Variants in HINT3 observed in about 807,000 individuals in gnomAD.
HINT3 encodes adenosine 5'-monophosphoramidase HINT3.
In HINT3, 16 loss-of-function variants were observed where a neutral mutation model predicts 19.1. That is an observed-to-expected ratio of 0.84 (90% CI 0.57 to 1.27). The LOEUF is 1.27. HINT3 is among the 50% of genes most tolerant of loss of function. The pLI, the probability that HINT3 is intolerant of heterozygous loss-of-function variation, is 0.00. For missense variants in HINT3, 197 were observed against 225.8 expected (o/e 0.87, Z 0.82); for synonymous variants, 75 against 84.8 (o/e 0.88, Z 0.63).
rs767832192 is a variant in HINT3, at chr6:125,974,992, T to C, written c.516+19T>C. 12 of 1,607,922 alleles carry C rather than the reference T, an allele frequency of 7.5e-6. No individual in the cohort carries two copies. Among genetic ancestry groups the C allele is most frequent in the Non-Finnish European group, 1.0e-5 (12 of 1,177,032 alleles). ...TATCACAGTGAGTATTCTTGTTATG[T>C]CAGCAGCATACAAAAATATTTAAAA... On this transcript the variant is annotated intron_variant, in intron 4 of 4. Transcript: ENST00000229633.
At chr6:125,974,702 T>C in intron 3 of HINT3, 145 bp from the exon 4 acceptor site, 1 of 754,716 alleles carries the variant, frequency 1.3e-6, no homozygotes, top group Non-Finnish European at 2.2e-6. Context: ...CTGAAGTGCA[T>C]AAAGAGAAAC....
intron 2 of HINT3, among the ~76,000 whole-genome samples, chr6:125,968,015 T>C (rs200125855): frequency 2.0e-5 from 3 of 152,236 alleles, no homozygotes; most frequent in Non-Finnish European, 4.4e-5. Flanking sequence ...AAGATTTAGA[T>C]AAAACTTTTA....
intron 3 of HINT3, 51 bp downstream of exon 3, chr6:125,972,379 C>A (rs954934088): frequency 9.1e-7 from 1 of 1,098,342 alleles, no homozygotes; most frequent in Non-Finnish European, 1.3e-6. Flanking sequence ...TGACGTTTTT[C>A]AAAATGTCAT....
At chr6:125,962,804 G>A (rs1250217786) in intron 1 of HINT3, among the ~76,000 whole-genome samples, 2 of 152,082 alleles carry the variant, frequency 1.3e-5, no homozygotes, top group African/African-American at 2.4e-5. Flanking sequence ...TCCCAAAGGG[G>A]TGAAAATTGG....
chr6:125,960,532 C>T (rs1378886030), intron 1 of HINT3, among the ~76,000 whole-genome samples: 1 of 152,050 alleles, frequency 6.6e-6, no homozygotes, highest in East Asian at 1.9e-4. Context: ...TGGCAGGCAC[C>T]TGTAATCCCA....
intron 2 of HINT3, among the ~76,000 whole-genome samples, chr6:125,968,910 C>T (rs1395094641): frequency 6.6e-6 from 1 of 152,068 alleles, no homozygotes; most frequent in Non-Finnish European, 1.5e-5. Flanking sequence ...CGGGATATTG[C>T]ACCTTTGTCA....
chr6:125,963,120 C>G (rs1308928844), intron 1 of HINT3, among the ~76,000 whole-genome samples: 2 of 152,096 alleles, frequency 1.3e-5, no homozygotes, highest in African/African-American at 4.8e-5. Context: ...TATGCGTGAT[C>G]AAAAGGGCGT....
intron 4 of HINT3, among the ~76,000 whole-genome samples, chr6:125,976,216 C>T (rs560889218): frequency 5.3e-5 from 8 of 152,044 alleles, no homozygotes; most frequent in Non-Finnish European, 1.2e-4. Context: ...CTGTCTTCAA[C>T]TTGTTGCCCA....
rs1217446516 is a variant in HINT3, at chr6:125,978,788, G to GT, written c.*1116dup. The GT allele has an allele frequency of 1.3e-5, 2 of 152,044 alleles. No homozygotes were observed. Among genetic ancestry groups the GT allele is most frequent in the African/African-American group, 4.8e-5 (2 of 41,376 alleles). 9.4% of individuals were successfully genotyped at this position (152,044 alleles called of 1,614,324 possible). A position where few individuals can be genotyped will look rare whatever the true frequency, so the allele number is the denominator to read the frequency against. On this transcript the variant is annotated 3_prime_UTR_variant, in exon 5 of 5. Coordinates refer to ENST00000229633, the MANE Select transcript of HINT3 (RefSeq NM_138571.5). ...TAGAGGGGGCATGATATTAAAGATA[G>GT]TTTTAAGTAACAAATTACTTATTAC...
At chr6:125,962,233 TACAC>T (rs1260784566) in intron 1 of HINT3, among the ~76,000 whole-genome samples, 821 of 20,498 alleles carry the variant, frequency 0.04, 67 homozygotes, top group African/African-American at 0.085. Flanking sequence ...TATATATATA[TACAC>T]ATATATATAT....
At position 125,979,817 on chromosome 6, in the gene HINT3, T is replaced by C. The variant is rs985144835; in HGVS notation, c.*2141T>C. On this transcript the variant is annotated 3_prime_UTR_variant, in exon 5 of 5. Transcript: ENST00000229633. The stretch of plus-strand genomic sequence containing the variant: ...ATTCTCAGATGCCTTATGGACCTCT[T>C]CAAAAATGTGGTTAGCCAATTGATT... 1 of 152,202 alleles carries C rather than the reference T, an allele frequency of 6.6e-6. No individual in the cohort carries two copies. The highest frequency in any genetic ancestry group is 2.4e-5 in the African/African-American group (1 of 41,448). 9.4% of individuals were successfully genotyped at this position (152,202 alleles called of 1,614,324 possible).
intron 2 of HINT3, among the ~76,000 whole-genome samples, chr6:125,969,032 T>G (rs990885029): frequency 4.6e-5 from 7 of 152,208 alleles, no homozygotes; most frequent in Non-Finnish European, 1.0e-4. Flanking sequence ...TGTCAATTTG[T>G]GTTTTTATTG....
chr6:125,974,240 G>A (rs1583591858), intron 3 of HINT3, among the ~76,000 whole-genome samples: 2 of 152,116 alleles, frequency 1.3e-5, no homozygotes, highest in Admixed American at 6.5e-5. Context: ...TAAAAACTTT[G>A]TAACCATTTA....
rs1218059515 is a variant in HINT3, at chr6:125,978,865, T to C, written c.*1189T>C. ...TTTTATTTGTTCATTAATTTATTCATTCAGCAAACATTTGTTGAACATTTA... is the reference window on the plus strand; with the variant it reads ...TTTTATTTGTTCATTAATTTATTCACTCAGCAAACATTTGTTGAACATTTA... On this transcript the variant is annotated 3_prime_UTR_variant, in exon 5 of 5. Coordinates refer to ENST00000229633, the MANE Select transcript of HINT3 (RefSeq NM_138571.5). The C allele has an allele frequency of 6.6e-6, 1 of 152,224 alleles. No individual in the cohort carries two copies. The highest frequency in any genetic ancestry group is 1.5e-5 in the Non-Finnish European group (1 of 68,046). The allele number at this position is 152,224 out of a possible 1,614,324, so 9.4% of individuals were successfully genotyped here. A position where few individuals can be genotyped will look rare whatever the true frequency, so the allele number is the denominator to read the frequency against.
rs1052455238 is a variant in HINT3, at chr6:125,957,097, G to A, written c.120G>A (p.Glu40=). The A allele has an allele frequency of 9.7e-6, 15 of 1,550,834 alleles. No individual in the cohort carries two copies. The Admixed American group carries it at 9.8e-5, about 10-fold the overall frequency. ...GTCEAAGKSP[E]PKDYDSTCVF... is the part of the protein sequence containing the mutation. ...GTGAAGCCGCTGGCAAGTCACCAGAGCCCAAGGACTACGACAGCACCTGCG... is the reference window on the plus strand; with the variant it reads ...GTGAAGCCGCTGGCAAGTCACCAGAACCCAAGGACTACGACAGCACCTGCG... The change falls in exon 1 of 5, where the codon GAG becomes GAA. Residue 40 remains glutamate (E), a synonymous_variant. Coordinates refer to ENST00000229633, the MANE Select transcript of HINT3 (RefSeq NM_138571.5).
intron 2 of HINT3, among the ~76,000 whole-genome samples, chr6:125,967,480 C>T (rs570965788): frequency 8.2e-4 from 125 of 151,880 alleles, no homozygotes; most frequent in African/African-American, 2.9e-3. Context: ...TACAGGCATG[C>T]GCCACAATGT....
At chr6:125,967,250 C>T (rs370918170) in intron 2 of HINT3, among the ~76,000 whole-genome samples, 1 of 151,296 alleles carries the variant, frequency 6.6e-6, no homozygotes, top group African/African-American at 2.4e-5. Context: ...CCTTTTCCCA[C>T]AGTGATTGTG....
rs574481892 is a variant in HINT3, at chr6:125,970,718, A to G, written c.320-1541A>G. Among the ~76,000 whole-genome samples, 4 of 152,336 alleles carry G rather than the reference A, an allele frequency of 2.6e-5. No homozygotes were observed. In the East Asian group the frequency reaches 7.7e-4, roughly 29 times the overall value. ...AGAACTCCACTTAAATACAGCATAC[A>G]TGTTTTTTAAAAAGCATATGTTCAC... On this transcript the variant is annotated intron_variant, in intron 2 of 4. Coordinates refer to ENST00000229633, the MANE Select transcript of HINT3 (RefSeq NM_138571.5).
chr6:125,967,726 G>A (rs1562213680), intron 2 of HINT3, among the ~76,000 whole-genome samples: 1 of 152,150 alleles, frequency 6.6e-6, no homozygotes, highest in Non-Finnish European at 1.5e-5. Context: ...TATGACAAAT[G>A]AGCTCATATT....
Sources: allele counts gnomAD v4.1 joint callset (sites outside exome capture counted in the v4.1 genomes callset), GRCh38; gene constraint gnomAD v4.1.1; transcripts MANE v1.5; gene names NCBI Gene and HGNC (gene_info 2026-07-23, HGNC 2026-07-21).